The following SHISA9 variants were observed in gnomAD, a reference collection of about 807,000 sequenced individuals.
The protein encoded by SHISA9 is protein shisa-9.
SHISA9 carries 13 observed loss-of-function variants against 38.0 expected under a neutral mutation model. That is an observed-to-expected ratio of 0.34 (90% CI 0.22 to 0.54). The LOEUF is 0.54. SHISA9 is among the 20% of genes least tolerant of loss of function. The probability of loss-of-function intolerance (pLI) is 0.91; values close to 1 mark genes in which losing one functional copy is unlikely to be tolerated. For synonymous variants in SHISA9, 275 were observed against 242.0 expected (o/e 1.14, Z -1.27); for missense variants, 538 against 575.8 (o/e 0.93, Z 0.67).
chr16:13,293,290 A>G, the SHISA9 span, among the ~76,000 whole-genome samples: 79 of 152,298 alleles, frequency 5.2e-4, no homozygotes, highest in Middle Eastern at 0.01. Context: ...AAAAAATGAG[A>G]AGACCACGTT....
the SHISA9 span, among the ~76,000 whole-genome samples, chr16:13,328,591 T>TACACACACACACACACAC: frequency 7.1e-6 from 1 of 139,874 alleles, no homozygotes; most frequent in Admixed American, 7.3e-5. Context: ...TATATGTGTA[T>TACACACACACACACACAC]ACACACACAC....
At chr16:13,148,718 C>CACACACACACACACAT (rs1555465949) in intron 2 of SHISA9, among the ~76,000 whole-genome samples, 10 of 149,930 alleles carry the variant, frequency 6.7e-5, no homozygotes, top group African/African-American at 2.5e-4. Context: ...CACACACACA[C>CACACACACACACACAT]ATCATGACTA....
At chr16:13,048,621 C>T (rs2073214355) in intron 2 of SHISA9, among the ~76,000 whole-genome samples, 1 of 152,102 alleles carries the variant, frequency 6.6e-6, no homozygotes, top group Non-Finnish European at 1.5e-5. Flanking sequence ...AGGGTTTTAC[C>T]ATGTTGGCCA....
chr16:13,200,449 G>T (rs1032221221), intron 2 of SHISA9, among the ~76,000 whole-genome samples: 2 of 106,514 alleles, frequency 1.9e-5, no homozygotes, highest in African/African-American at 8.3e-5. Flanking sequence ...CACAGCAGCA[G>T]CAGCAGCAGC....
the SHISA9 span, among the ~76,000 whole-genome samples, chr16:13,326,338 G>C: frequency 2.0e-5 from 3 of 152,154 alleles, no homozygotes; most frequent in Admixed American, 2.0e-4. Flanking sequence ...ACACGTAAAA[G>C]TAACTATCAT....
chr16:13,357,812 A>C, the SHISA9 span, among the ~76,000 whole-genome samples: 1 of 150,264 alleles, frequency 6.7e-6, no homozygotes, highest in Non-Finnish European at 1.5e-5. Context: ...TGGGGGTCGC[A>C]AGGTGCTCAG....
chr16:13,338,560 A>T, the SHISA9 span, among the ~76,000 whole-genome samples: 1 of 152,164 alleles, frequency 6.6e-6, no homozygotes, highest in East Asian at 1.9e-4. Flanking sequence ...GGAGATGGCC[A>T]CAGCATTCAG....
intron 2 of SHISA9, among the ~76,000 whole-genome samples, chr16:13,024,656 T>G (rs2072898971): frequency 6.6e-6 from 1 of 152,240 alleles, no homozygotes. Context: ...TTGCCACTTA[T>G]GGGCTGTATG....
In SHISA9 at chr16:13,235,157, T is replaced by C; in HGVS notation, c.1023T>C (p.Gly341=). Residue 341 remains glycine (G), a synonymous_variant, in exon 5 of 5, where the codon GGT becomes GGC. Coordinates refer to ENST00000558583, the MANE Select transcript of SHISA9 (RefSeq NM_001145204.3). The stretch of plus-strand genomic sequence containing the variant: ...CCCGGGCCTTCAGCCCTGAGCACGG[T>C]CCTGCCAAGCAGAATGGACAGAAGT... ...DEPRAFSPEH[G]PAKQNGQKSR... 2 of 1,551,502 alleles carry C rather than the reference T, an allele frequency of 1.3e-6. No individual in the cohort carries two copies. The highest frequency in any genetic ancestry group is 1.7e-6 in the Non-Finnish European group (2 of 1,146,970).
chr16:13,444,819 C>T, the SHISA9 span, among the ~76,000 whole-genome samples: 1 of 151,208 alleles, frequency 6.6e-6, no homozygotes, highest in South Asian at 2.1e-4. Context: ...ATCTTCCCTT[C>T]CCTTCCCTTC....
chr16:12,934,255 C>T lies in SHISA9; in HGVS notation c.691+17440C>T, dbSNP rs116510850. Among the ~76,000 whole-genome samples the T allele has an allele frequency of 3.1e-3, 474 of 152,288 alleles. 1 individual carries two copies. The highest frequency in any genetic ancestry group is 0.011 in the African/African-American group (442 of 41,574). On this transcript the variant is annotated intron_variant, in intron 2 of 4. Coordinates refer to ENST00000558583, the MANE Select transcript of SHISA9 (RefSeq NM_001145204.3). The stretch of plus-strand genomic sequence containing the variant: ...CTAGAATTCTGGAGCAACTGCTATG[C>T]GCTAGACAGTATGTTAGGTGTTTTA...
At position 13,201,408 on chromosome 16, in the gene SHISA9, T is replaced by G. The variant is rs908943655; in HGVS notation, c.692-1986T>G. Among the ~76,000 whole-genome samples the G allele has an allele frequency of 2.2e-5, 3 of 135,996 alleles. No individual in the cohort carries two copies. In the East Asian group the frequency reaches 5.9e-4, roughly 27 times the overall value. 89.2% of individuals were successfully genotyped at this position (135,996 alleles called of 152,430 possible). On this transcript the variant is annotated intron_variant, in intron 2 of 4. Coordinates refer to ENST00000558583, the MANE Select transcript of SHISA9 (RefSeq NM_001145204.3). ...ATGTAAATAGTTGTTACACTGTATT[T>G]TTACTTGTATTATTTTTAACTATTG...
chr16:13,509,196 A>G, the SHISA9 span, among the ~76,000 whole-genome samples: 2 of 152,096 alleles, frequency 1.3e-5, no homozygotes, highest in African/African-American at 4.8e-5. Context: ...TGCTGCACCC[A>G]TGAGTGGGGT....
chr16:13,322,319 C>T, the SHISA9 span, among the ~76,000 whole-genome samples: 172 of 152,310 alleles, frequency 1.1e-3, no homozygotes, highest in African/African-American at 4.0e-3. Flanking sequence ...CTAAAGCTGC[C>T]AAGGCCTCTG....
intron 2 of SHISA9, among the ~76,000 whole-genome samples, chr16:13,141,339 A>C (rs544681996): frequency 6.6e-6 from 1 of 152,054 alleles, no homozygotes; most frequent in Non-Finnish European, 1.5e-5. Flanking sequence ...AACCCTACAC[A>C]CAATCTCAAT....
the SHISA9 span, among the ~76,000 whole-genome samples, chr16:13,445,947 CT>C: frequency 1.1e-4 from 16 of 150,264 alleles, no homozygotes; most frequent in East Asian, 2.0e-4. Flanking sequence ...TTGCCTAGTA[CT>C]TTTTTTTTTC....
In SHISA9 at chr16:13,214,136, C is replaced by T. The variant is rs184836338; in HGVS notation, c.895+836C>T. On this transcript the variant is annotated intron_variant, in intron 4 of 4. Transcript: ENST00000558583. ...AGAATAGACCAGAAACACCCTTCTC[C>T]ATATGCTTTGTTGGACTTGGTGGAG... Among the ~76,000 whole-genome samples, 197 of 152,280 alleles carry T rather than the reference C, an allele frequency of 1.3e-3. 1 individual carries two copies. Among genetic ancestry groups the T allele is most frequent in the African/African-American group, 4.6e-3 (191 of 41,546 alleles).
the SHISA9 span, among the ~76,000 whole-genome samples, chr16:13,511,510 A>G: frequency 6.6e-6 from 1 of 152,212 alleles, no homozygotes; most frequent in African/African-American, 2.4e-5. Context: ...ACCTGAAACA[A>G]CTTAAAAATG....
chr16:13,489,952 C>T, the SHISA9 span, among the ~76,000 whole-genome samples: 1 of 152,118 alleles, frequency 6.6e-6, no homozygotes, highest in African/African-American at 2.4e-5. Flanking sequence ...GTTGACACTG[C>T]AGTGGACAGT....
Sources: allele counts gnomAD v4.1 joint callset (sites outside exome capture counted in the v4.1 genomes callset), GRCh38; gene constraint gnomAD v4.1.1; transcripts MANE v1.5; gene names NCBI Gene and HGNC (gene_info 2026-07-23, HGNC 2026-07-21).